TNKS2: variants seen among roughly 807,000 people sequenced by gnomAD.
TNKS2 encodes poly [ADP-ribose] polymerase tankyrase-2.
Under a neutral mutation model 137.6 loss-of-function variants are expected in TNKS2, and 72 were observed. The ratio of observed to expected loss-of-function variants is 0.52; its 90% confidence interval spans 0.43 to 0.64. TNKS2 has a LOEUF of 0.64. TNKS2 is among the 30% of genes least tolerant of loss of function. TNKS2 has a pLI of 0.00. For synonymous variants in TNKS2, 516 were observed against 512.1 expected (o/e 1.01, Z -0.10); for missense variants, 1,049 against 1,410.2 (o/e 0.74, Z 4.10).
At position 91,822,220 on chromosome 10, in the gene TNKS2, A is replaced by G. The variant is rs73325989; in HGVS notation, c.729-76A>G. ...GCTATTTAAGTATAAGTAATTAAAT[A>G]AATTTTAATTTATAAATTTCCCTAG... On this transcript the variant is annotated intron_variant, in intron 6 of 26. Transcript: ENST00000371627. 556 of 1,161,526 alleles carry G rather than the reference A, an allele frequency of 4.8e-4. 2 individuals are homozygous for G. In the African/African-American group the frequency reaches 7.9e-3, roughly 16 times the overall value. 72.0% of individuals were successfully genotyped at this position (1,161,526 alleles called of 1,614,324 possible). A position where few individuals can be genotyped will look rare whatever the true frequency, so the allele number is the denominator to read the frequency against.
intron 2 of TNKS2, among the ~76,000 whole-genome samples, chr10:91,816,886 A>C (rs1844720912): frequency 6.6e-6 from 1 of 152,200 alleles, no homozygotes; most frequent in African/African-American, 2.4e-5. Context: ...CAGCTATATA[A>C]ATAGCAAAGG....
At chr10:91,860,971 T>C (rs772543912) in intron 25 of TNKS2, among the ~76,000 whole-genome samples, 4 of 152,190 alleles carry the variant, frequency 2.6e-5, no homozygotes, top group Non-Finnish European at 5.9e-5. Flanking sequence ...TACCTCCCTC[T>C]TCTTTGGAAG....
At chr10:91,861,910 A>G in intron 25 of TNKS2, 89 bp from the exon 26 acceptor site, 3 of 1,212,906 alleles carry the variant, frequency 2.5e-6, no homozygotes, top group Non-Finnish European at 3.4e-6. Flanking sequence ...TGTATAAATA[A>G]TTTTTTAAAA....
In TNKS2 at chr10:91,855,187, CTTGT is replaced by C. The variant is rs1314298081; in HGVS notation, c.2913+64_2913+67del. On this transcript the variant is annotated intron_variant, in intron 22 of 26. Transcript: ENST00000371627. The stretch of plus-strand genomic sequence containing the variant: ...ATATATTTAGTTCACTTTGTATCCT[CTTGT>C]TTCTTTTTCTTCCTTTAGTTTGCAT... 83 of 1,050,948 alleles carry C rather than the reference CTTGT, an allele frequency of 7.9e-5. No individual in the cohort carries two copies. In the East Asian group the frequency reaches 2.0e-3, roughly 25 times the overall value. 65.1% of individuals were successfully genotyped at this position (1,050,948 alleles called of 1,614,324 possible).
chr10:91,814,285 A>G (rs1038269398), intron 2 of TNKS2, among the ~76,000 whole-genome samples: 18 of 152,190 alleles, frequency 1.2e-4, no homozygotes, highest in Non-Finnish European at 2.5e-4. Flanking sequence ...TTGAATAGAG[A>G]AAAGCTTATA....
chr10:91,862,051 G>T lies in TNKS2; in HGVS notation c.3334G>T (p.Ala1112Ser). The T allele has an allele frequency of 6.2e-7, 1 of 1,613,318 alleles. No homozygotes were observed. The highest frequency in any genetic ancestry group is 8.5e-7 in the Non-Finnish European group (1 of 1,179,550). ...TLGKSFLQFSAMKMAHSPPGH... is the reference protein window; with the variant it reads ...TLGKSFLQFSSMKMAHSPPGH... ...GGGAAAGTCTTTCCTGCAGTTCAGTGCAATGAAAATGGCACATTCTCCTCC... is the reference window on the plus strand; with the variant it reads ...GGGAAAGTCTTTCCTGCAGTTCAGTTCAATGAAAATGGCACATTCTCCTCC... Residue 1112 changes from alanine (A) to serine (S), a missense_variant, in exon 26 of 27, where the codon GCA becomes TCA. Around this residue, in one of 6 missense-constraint regions of TNKS2, gnomAD observed 133 missense variants for 248.4 expected, o/e 0.54. Coordinates refer to ENST00000371627, the MANE Select transcript of TNKS2 (RefSeq NM_025235.4).
rs561947611 is a variant in TNKS2 at position 91,807,904 on chromosome 10, G to T, written c.200-5079G>T. Among the ~76,000 whole-genome samples the T allele has an allele frequency of 6.5e-4, 98 of 151,706 alleles. 1 individual carries two copies. Among genetic ancestry groups the T allele is most frequent in the African/African-American group, 2.4e-3 (98 of 41,340 alleles). On this transcript the variant is annotated intron_variant, in intron 1 of 26. Coordinates refer to ENST00000371627, the MANE Select transcript of TNKS2 (RefSeq NM_025235.4). ...CCAGCTACTCTGGAGGCTGAAGCAG[G>T]AGAATGGCATGAACCCGGGAGGCAG... is the stretch of plus-strand genomic sequence containing the variant.
chr10:91,863,856 C>G lies in TNKS2; in HGVS notation c.*857C>G, dbSNP rs186084725. ...AAAGTGCTCCTGTTTTTTAGAGAAACTAAATCTTGCTGTTGAACAATTATT... is the reference window on the plus strand; with the variant it reads ...AAAGTGCTCCTGTTTTTTAGAGAAAGTAAATCTTGCTGTTGAACAATTATT... On this transcript the variant is annotated 3_prime_UTR_variant, in exon 27 of 27. Coordinates refer to ENST00000371627, the MANE Select transcript of TNKS2 (RefSeq NM_025235.4). The G allele has an allele frequency of 5.3e-5, 8 of 152,138 alleles. No individual in the cohort carries two copies. The East Asian group carries it at 1.5e-3, about 29-fold the overall frequency. 9.4% of individuals were successfully genotyped at this position (152,138 alleles called of 1,614,324 possible).
At chr10:91,829,780 A>T (rs1296860038) in intron 9 of TNKS2, among the ~76,000 whole-genome samples, 6 of 152,350 alleles carry the variant, frequency 3.9e-5, no homozygotes, top group Non-Finnish European at 8.8e-5. Flanking sequence ...ATGATTGATT[A>T]ACAACAGGTT....
chr10:91,826,457 A>G lies in TNKS2; in HGVS notation c.796-560A>G, dbSNP rs149416165. The stretch of plus-strand genomic sequence containing the variant: ...GAAAATGAACTACTTGTGCAACAAC[A>G]TGAATGAATCTCAGCAACATTATAT... On this transcript the variant is annotated intron_variant, in intron 7 of 26. Transcript: ENST00000371627. Among the ~76,000 whole-genome samples the G allele has an allele frequency of 2.3e-3, 344 of 152,348 alleles. 1 individual carries two copies. Among genetic ancestry groups the G allele is most frequent in the African/African-American group, 7.8e-3 (323 of 41,590 alleles).
At position 91,819,990 on chromosome 10, in the gene TNKS2, C is replaced by G. The variant is rs757279767; in HGVS notation, c.685C>G (p.Leu229Val). 7 of 1,593,998 alleles carry G rather than the reference C, an allele frequency of 4.4e-6. No homozygotes were observed. The South Asian group carries it at 8.1e-5, about 18-fold the overall frequency. ...AGYNRVKIVQLLLQHGADVHA... is the reference protein window; with the variant it reads ...AGYNRVKIVQVLLQHGADVHA... ...ATATAACAGAGTAAAGATTGTACAG[C>G]TGTTACTGCAACATGGAGCTGATGT... is the stretch of plus-strand genomic sequence containing the variant. The change falls in exon 6 of 27, where the codon CTG becomes GTG. Residue 229 changes from leucine (L) to valine (V), a missense_variant. Physicochemically the swap from Leu to Val is conservative, Grantham distance 32. This residue lies in a region of TNKS2 where 374 missense variants were observed against 460.8 expected (regional missense o/e 0.81). Transcript: ENST00000371627.
intron 7 of TNKS2, among the ~76,000 whole-genome samples, chr10:91,824,288 G>A (rs1214446630): frequency 6.6e-6 from 1 of 152,152 alleles, no homozygotes; most frequent in African/African-American, 2.4e-5. Context: ...CCAGAAGCTG[G>A]CATTTAACAG....
At chr10:91,834,071 A>C in intron 12 of TNKS2, 47 bp downstream of exon 12, 1 of 1,457,512 alleles carries the variant, frequency 6.9e-7, no homozygotes, top group South Asian at 1.6e-5. Context: ...TAACCTTTAA[A>C]AATTTTTCAC....
chr10:91,798,997 T>C, intron 1 of TNKS2, 108 bp downstream of exon 1: 1 of 1,246,386 alleles, frequency 8.0e-7, no homozygotes, highest in Non-Finnish European at 1.0e-6. Flanking sequence ...TCTCCAGGAC[T>C]CTGGTCCTGG....
chr10:91,851,729 A>G (rs1842543595), intron 21 of TNKS2, among the ~76,000 whole-genome samples: 1 of 152,178 alleles, frequency 6.6e-6, no homozygotes, highest in South Asian at 2.1e-4. Flanking sequence ...GCTAACCCTT[A>G]AAGTACTATA....
chr10:91,800,064 T>C (rs1422677072), intron 1 of TNKS2, among the ~76,000 whole-genome samples: 2 of 152,186 alleles, frequency 1.3e-5, no homozygotes, highest in African/African-American at 4.8e-5. Context: ...TACCAGGAGG[T>C]ATGCTTTTTT....
chr10:91,806,277 A>G (rs1420246486), intron 1 of TNKS2, among the ~76,000 whole-genome samples: 10 of 152,190 alleles, frequency 6.6e-5, no homozygotes, highest in African/African-American at 1.9e-4. Context: ...TCGTACTTCT[A>G]GTTTACTGGA....
intron 1 of TNKS2, among the ~76,000 whole-genome samples, chr10:91,805,054 G>A (rs753207894): frequency 9.1e-4 from 138 of 151,906 alleles, no homozygotes; most frequent in Non-Finnish European, 1.3e-3. Context: ...GTGAGCCACA[G>A]TGCCCAGCCA....
intron 1 of TNKS2, among the ~76,000 whole-genome samples, chr10:91,802,935 C>G (rs1844215644): frequency 6.6e-6 from 1 of 152,218 alleles, no homozygotes; most frequent in Non-Finnish European, 1.5e-5. Flanking sequence ...AATGTATTAT[C>G]AAGACTTTGA....
Sources: gnomAD v4.1 joint callset for allele counts (sites outside exome capture counted in the v4.1 genomes callset) on GRCh38, gnomAD v4.1.1 for gene constraint, gnomAD v4.1.1 regional missense constraint, MANE v1.5 for transcripts, NCBI Gene and HGNC (gene_info 2026-07-23, HGNC 2026-07-21) for gene names.